The following INTS4 variants were observed in gnomAD, a reference collection of about 807,000 sequenced individuals.
INTS4 encodes the protein MSTP093.
Under a neutral mutation model 119.5 loss-of-function variants are expected in INTS4, and 70 were observed. That is an observed-to-expected ratio of 0.59 (90% CI 0.48 to 0.71). INTS4 has a LOEUF of 0.71. INTS4 is among the 30% of genes least tolerant of loss of function. The pLI is 0.00. For synonymous variants in INTS4, 316 were observed against 419.6 expected, an observed-to-expected ratio of 0.75 and a Z score of 3.02; for missense variants, 867 against 1,173.2, an observed-to-expected ratio of 0.74 and a Z score of 3.81.
chr11:77,887,264 C>T (rs1952053947), intron 21 of INTS4, among the ~76,000 whole-genome samples: 1 of 152,158 alleles, frequency 6.6e-6, no homozygotes, highest in African/African-American at 2.4e-5. Flanking sequence ...AAGGCTGGTT[C>T]AACATACGAA....
intron 22 of INTS4, 93 bp downstream of exon 22, chr11:77,883,739 G>T: frequency 7.6e-7 from 1 of 1,318,656 alleles, no homozygotes; most frequent in Non-Finnish European, 1.0e-6. Context: ...ATTCATCCAT[G>T]TATTTTTTTC....
chr11:77,912,918 T>C (rs939627983), intron 15 of INTS4, among the ~76,000 whole-genome samples: 1 of 152,238 alleles, frequency 6.6e-6, no homozygotes, highest in Non-Finnish European at 1.5e-5. Flanking sequence ...TTGGTTAGTG[T>C]GTAAAAGAAT....
chr11:77,877,749 AT>A (rs34288319), downstream of INTS4, among the ~76,000 whole-genome samples: 16 of 148,518 alleles, frequency 1.1e-4, no homozygotes, highest in Non-Finnish European at 9.0e-5. Flanking sequence ...CACACTTGCA[AT>A]TTTTTTTTTT....
intron 22 of INTS4, among the ~76,000 whole-genome samples, 160 bp downstream of exon 22, chr11:77,883,669 GTTT>G (rs957222020): frequency 6.6e-6 from 1 of 151,942 alleles, no homozygotes. Context: ...AATATACCCA[GTTT>G]TTTACCCACT....
At chr11:77,909,984 C>T (rs1006737471) in intron 15 of INTS4, among the ~76,000 whole-genome samples, 7 of 152,078 alleles carry the variant, frequency 4.6e-5, no homozygotes, top group African/African-American at 1.7e-4. Context: ...AACACTTTTA[C>T]ACTGTTGGTG....
At chr11:77,887,939 GA>G (rs1390233420) in intron 21 of INTS4, among the ~76,000 whole-genome samples, 1 of 152,150 alleles carries the variant, frequency 6.6e-6, no homozygotes, top group Non-Finnish European at 1.5e-5. Flanking sequence ...CAAACAAATG[GA>G]AAAACATTCC....
At chr11:77,936,848 C>T (rs1425284870) in intron 10 of INTS4, among the ~76,000 whole-genome samples, 1 of 151,962 alleles carries the variant, frequency 6.6e-6, no homozygotes, top group Non-Finnish European at 1.5e-5. Flanking sequence ...TAATGAAAGT[C>T]GCCAAAGGGC....
intron 10 of INTS4, among the ~76,000 whole-genome samples, chr11:77,938,312 G>A (rs1466783103): frequency 2.0e-5 from 3 of 152,070 alleles, no homozygotes; most frequent in Admixed American, 2.0e-4. Context: ...ATTATTAAGT[G>A]CTTATTATAA....
intron 15 of INTS4, among the ~76,000 whole-genome samples, chr11:77,916,771 C>G (rs541454134): frequency 6.6e-6 from 1 of 152,254 alleles, no homozygotes; most frequent in African/African-American, 2.4e-5. Context: ...CCACCACTAC[C>G]GTGATGGGTC....
intron 4 of INTS4, among the ~76,000 whole-genome samples, chr11:77,968,756 A>G (rs1393766536): frequency 6.6e-6 from 1 of 152,192 alleles, no homozygotes; most frequent in East Asian, 1.9e-4. Flanking sequence ...AACTGAAAAC[A>G]TGTATTAAGC....
chr11:77,956,433 G>A (rs1305665642), intron 7 of INTS4, among the ~76,000 whole-genome samples: 2 of 151,960 alleles, frequency 1.3e-5, no homozygotes, highest in Non-Finnish European at 2.9e-5. Context: ...CAGTCTGGGC[G>A]CAATGGCTCA....
At chr11:77,892,076 C>T (rs1952296950) in intron 19 of INTS4, among the ~76,000 whole-genome samples, 3 of 152,212 alleles carry the variant, frequency 2.0e-5, no homozygotes. Context: ...AAGTGTTTTA[C>T]ATGATCTTAT....
intron 4 of INTS4, among the ~76,000 whole-genome samples, 174 bp from the exon 5 acceptor site, chr11:77,961,312 G>A (rs1954470894): frequency 1.3e-5 from 2 of 151,852 alleles, no homozygotes. Context: ...TTGAGTACGG[G>A]TCTTCTCAAA....
intron 5 of INTS4, 65 bp from the exon 6 acceptor site, chr11:77,960,456 A>G (rs950128440): frequency 8.5e-7 from 1 of 1,180,206 alleles, no homozygotes. Context: ...ATGTCTCCCC[A>G]CAATCTCACA....
chr11:77,957,772 G>A (rs1241622245), intron 7 of INTS4, among the ~76,000 whole-genome samples: 1 of 148,036 alleles, frequency 6.8e-6, no homozygotes, highest in Non-Finnish European at 1.5e-5. Context: ...AGGTTCAAGC[G>A]ATTCTCCTGC....
chr11:77,874,802 C>G (rs1320143503), downstream of INTS4, among the ~76,000 whole-genome samples: 1 of 152,046 alleles, frequency 6.6e-6, no homozygotes, highest in South Asian at 2.1e-4. Flanking sequence ...TTTGGGAGGC[C>G]GAGGTGGGCA....
At position 77,891,785 on chromosome 11, in the gene INTS4, C is replaced by T. The variant is rs1952280558; in HGVS notation, c.2344G>A (p.Asp782Asn). The T allele has an allele frequency of 6.2e-7, 1 of 1,611,826 alleles. No individual in the cohort carries two copies. The highest frequency in any genetic ancestry group is 1.7e-5 in the Admixed American group (1 of 59,988). Residue 782 changes from aspartate to asparagine, a missense_variant, in exon 20 of 23, where the codon GAC becomes AAC. Transcript: ENST00000534064. ...GATGTCATGAGTCGGGGCATAAGGT[C>T]AAGGAGTTTGTCCACAAAGCTGTCC... Reference protein sequence around the residue: ...LQDSFVDKLLDLMPRLMTSKP... With the variant: ...LQDSFVDKLLNLMPRLMTSKP...
chr11:77,881,867 A>G (rs1339867930), intron 22 of INTS4, among the ~76,000 whole-genome samples: 1 of 152,070 alleles, frequency 6.6e-6, no homozygotes, highest in East Asian at 1.9e-4. Context: ...GTGACTGGGT[A>G]GCGACCATTC....
chr11:77,953,606 CAG>C (rs1954247640), intron 8 of INTS4, among the ~76,000 whole-genome samples: 2 of 148,092 alleles, frequency 1.4e-5, no homozygotes, highest in South Asian at 4.2e-4. Flanking sequence ...TTTTTTGAGA[CAG>C]GGTCTCGCTC....
Sources: allele counts gnomAD v4.1 joint callset (sites outside exome capture counted in the v4.1 genomes callset), GRCh38; gene constraint gnomAD v4.1.1; transcripts MANE v1.5; gene names NCBI Gene and HGNC (gene_info 2026-07-23, HGNC 2026-07-21).